SCN1A: variants seen among roughly 807,000 people sequenced by gnomAD.
SCN1A encodes sodium voltage-gated channel alpha subunit 1, also known as sodium channel protein type 1 subunit alpha.
Under a neutral mutation model 193.7 loss-of-function variants are expected in SCN1A, and 13 were observed. The observed-to-expected ratio is 0.07, with a 90% CI of 0.04 to 0.11. The LOEUF (loss-of-function observed/expected upper bound fraction) is 0.11. Ranked by LOEUF, SCN1A falls within the 10% of genes least tolerant of loss-of-function variation. The probability of loss-of-function intolerance (pLI) is 1.00; values close to 1 mark genes in which losing one functional copy is unlikely to be tolerated. For missense variants in SCN1A, 1,432 were observed against 2,451.1 expected (o/e 0.58, Z 8.78); for synonymous variants, 781 against 843.6 (o/e 0.93, Z 1.29).
chr2:166,044,107 A>C lies in SCN1A; in HGVS notation c.1663-58T>G, dbSNP rs1697509528. The C allele has an allele frequency of 2.5e-6, 4 of 1,584,430 alleles. No individual in the cohort carries two copies. The Admixed American group carries it at 5.2e-5, about 21-fold the overall frequency. On this transcript the variant is annotated intron_variant, in intron 13 of 28. Coordinates refer to ENST00000674923, the MANE Select transcript of SCN1A (RefSeq NM_001165963.4). ...ATATTAATATGGACATTTGAATGTG[A>C]TTTCATTTTGCAAGATTATGTAGAA...
At position 166,045,166 on chromosome 2, in the gene SCN1A, T is replaced by C. The variant is rs587781144; in HGVS notation, c.1539A>G (p.Glu513=). ...TTTGGAATTCATCCTCATCTTTCTCTTCCCCACCAGACTGCTCTTTCTGTT... is the reference window on the plus strand; with the variant it reads ...TTTGGAATTCATCCTCATCTTTCTCCTCCCCACCAGACTGCTCTTTCTGTT... ...KRKQKEQSGG[E]EKDEDEFQKS... Residue 513 remains glutamate, a synonymous_variant, in exon 13 of 29, where the codon GAA becomes GAG. Transcript: ENST00000674923. 1.3e-4 allele frequency: 205 copies of C among 1,614,100 alleles called. 1 individual carries two copies. The South Asian group carries it at 1.9e-3, about 15-fold the overall frequency.
At chr2:166,148,043 A>G (rs1692392456) in intron 1 of SCN1A, among the ~76,000 whole-genome samples, 1 of 152,344 alleles carries the variant, frequency 6.6e-6, no homozygotes, top group Non-Finnish European at 1.5e-5. Context: ...CTTTGAGATC[A>G]CGTAGACAGT....
At chr2:166,088,373 T>C (rs1414318365) in intron 2 of SCN1A, among the ~76,000 whole-genome samples, 1 of 152,172 alleles carries the variant, frequency 6.6e-6, no homozygotes, top group Non-Finnish European at 1.5e-5. Flanking sequence ...TATTTTCAGG[T>C]GTCAATGATG....
chr2:165,991,825 G>C lies in SCN1A; in HGVS notation c.5450C>G (p.Pro1817Arg). 1 of 1,613,828 alleles carries C rather than the reference G, an allele frequency of 6.2e-7. No individual in the cohort carries two copies. Among genetic ancestry groups the C allele is most frequent in the South Asian group, 1.1e-5 (1 of 91,076 alleles). ...AAATTCCATGAACTGAGTTGCATCG[G>C]GATCAAACTTCTCCCAAACCTCATA... ...MFYEVWEKFD[P>R]DATQFMEFEK... Residue 1817 changes from proline to arginine, a missense_variant, in exon 29 of 29, where the codon CCC (proline) becomes CGC (arginine). By Grantham distance (103) the Pro-to-Arg change is moderately radical. Around this residue, in one of 18 missense-constraint regions of SCN1A, gnomAD observed 59 missense variants for 110.6 expected, o/e 0.53. Transcript: ENST00000674923.
intron 23 of SCN1A, among the ~76,000 whole-genome samples, chr2:166,004,760 G>A (rs1448181943): frequency 6.6e-6 from 1 of 151,420 alleles, no homozygotes; most frequent in African/African-American, 2.4e-5. Flanking sequence ...TGATTGAGAT[G>A]CCATTTACAT....
intron 4 of SCN1A, among the ~76,000 whole-genome samples, chr2:166,071,237 T>C (rs1283526410): frequency 1.3e-5 from 2 of 152,218 alleles, no homozygotes; most frequent in South Asian, 4.1e-4. Flanking sequence ...AATAAAGTCC[T>C]TGTAGTTTGT....
At chr2:166,097,875 C>T (rs2106120400) in intron 2 of SCN1A, among the ~76,000 whole-genome samples, 1 of 152,306 alleles carries the variant, frequency 6.6e-6, no homozygotes, top group East Asian at 1.9e-4. Flanking sequence ...GCTATCACAC[C>T]TAGCCTCTAT....
intron 2 of SCN1A, among the ~76,000 whole-genome samples, chr2:166,119,920 A>G (rs1336270529): frequency 6.6e-6 from 1 of 152,094 alleles, no homozygotes; most frequent in Admixed American, 6.5e-5. Context: ...TTAAGGCAAC[A>G]TATGTTTATT....
intron 19 of SCN1A, among the ~76,000 whole-genome samples, chr2:166,030,965 A>C (rs1448961116): frequency 1.3e-5 from 2 of 152,152 alleles, no homozygotes; most frequent in Non-Finnish European, 2.9e-5. Flanking sequence ...GATCTGTCCA[A>C]GTCACCATTC....
rs567359114 is a variant in SCN1A, at chr2:166,035,928, A to C, written c.3429+120T>G. 3 of 955,986 alleles carry C rather than the reference A, an allele frequency of 3.1e-6. No individual in the cohort carries two copies. The African/African-American group carries it at 9.0e-5, about 29-fold the overall frequency. The allele number at this position is 955,986 out of a possible 1,614,324, so 59.2% of individuals were successfully genotyped here. A position where few individuals can be genotyped will look rare whatever the true frequency, so the allele number is the denominator to read the frequency against. ...GAATGGCTATTGCTTTTGTATTATCATAAAGTAAAAAAAAAAAAAAATCTT... is the reference window on the plus strand; with the variant it reads ...GAATGGCTATTGCTTTTGTATTATCCTAAAGTAAAAAAAAAAAAAAATCTT... On this transcript the variant is annotated intron_variant, in intron 19 of 28. Transcript: ENST00000674923.
intron 1 of SCN1A, chr2:166,133,919 T>G (rs1419826040): frequency 6.6e-6 from 1 of 152,154 alleles, no homozygotes; most frequent in African/African-American, 2.4e-5. Flanking sequence ...GTAAGAACTA[T>G]GACTTATTTT....
At chr2:166,041,045 T>C (rs1422159615) in intron 16 of SCN1A, among the ~76,000 whole-genome samples, 186 bp downstream of exon 16, 2 of 152,202 alleles carry the variant, frequency 1.3e-5, no homozygotes, top group African/African-American at 4.8e-5. Flanking sequence ...TCAGTTTTTG[T>C]GAGCACATTA....
intron 27 of SCN1A, among the ~76,000 whole-genome samples, chr2:165,995,017 A>G (rs769297968): frequency 3.3e-4 from 50 of 151,894 alleles, no homozygotes; most frequent in Non-Finnish European, 3.7e-4. Flanking sequence ...TGAGACCAGA[A>G]TGACATTTCC....
chr2:166,101,364 T>G (rs1453068018), intron 2 of SCN1A, among the ~76,000 whole-genome samples: 9 of 46,290 alleles, frequency 1.9e-4, no homozygotes, highest in East Asian at 7.7e-4. Flanking sequence ...TGTGGTGGGG[T>G]GGGGGGAGGG....
chr2:166,107,919 G>A (rs1688866965), intron 2 of SCN1A, among the ~76,000 whole-genome samples: 1 of 152,034 alleles, frequency 6.6e-6, no homozygotes, highest in Non-Finnish European at 1.5e-5. Context: ...AACACCAAAT[G>A]CATAAGTGGT....
chr2:166,006,646 A>C (rs866840801), intron 23 of SCN1A, among the ~76,000 whole-genome samples: 14 of 151,486 alleles, frequency 9.2e-5, no homozygotes, highest in South Asian at 6.2e-4. Context: ...CTATTTCTTA[A>C]TATATTTTTG....
intron 12 of SCN1A, among the ~76,000 whole-genome samples, chr2:166,046,297 A>G (rs1479866444): frequency 6.6e-6 from 1 of 152,196 alleles, no homozygotes; most frequent in East Asian, 1.9e-4. Context: ...CTGCTGTATC[A>G]GAGATCATTA....
intron 19 of SCN1A, among the ~76,000 whole-genome samples, chr2:166,032,301 A>G (rs1273202511): frequency 1.3e-5 from 1 of 79,796 alleles, no homozygotes; most frequent in Non-Finnish European, 2.8e-5. Flanking sequence ...TCTCCCTGGC[A>G]TATGATAACT....
At chr2:166,037,410 G>C (rs1039995171) in intron 18 of SCN1A, among the ~76,000 whole-genome samples, 7 of 151,966 alleles carry the variant, frequency 4.6e-5, no homozygotes, top group African/African-American at 1.7e-4. Flanking sequence ...CTCTTCCTTG[G>C]CTCTGAATTT....
Sources: allele counts gnomAD v4.1 joint callset (sites outside exome capture counted in the v4.1 genomes callset), GRCh38; gene constraint gnomAD v4.1.1; regional missense constraint gnomAD v4.1.1; transcripts MANE v1.5; gene names NCBI Gene and HGNC (gene_info 2026-07-23, HGNC 2026-07-21).